Variants in EPM2A observed in about 807,000 individuals in gnomAD.
EPM2A encodes the protein laforin.
EPM2A carries 21 observed loss-of-function variants against 26.5 expected under a neutral mutation model. That is an observed-to-expected ratio of 0.79 (90% CI 0.56 to 1.14). The LOEUF is 1.14. EPM2A is among the 50% of genes most tolerant of loss of function. The probability of loss-of-function intolerance (pLI) is 0.00; values close to 1 mark genes in which losing one functional copy is unlikely to be tolerated. For missense variants in EPM2A, 458 were observed against 440.8 expected, an observed-to-expected ratio of 1.04 and a Z score of -0.35; for synonymous variants, 217 against 177.6, an observed-to-expected ratio of 1.22 and a Z score of -1.76.
intron 4 of EPM2A, among the ~76,000 whole-genome samples, chr6:145,493,178 A>C (rs1217283918): frequency 1.3e-5 from 2 of 152,230 alleles, no homozygotes; most frequent in African/African-American, 4.8e-5. Context: ...GGGTGGCCAC[A>C]GTACCACTAA....
intron 2 of EPM2A, among the ~76,000 whole-genome samples, chr6:145,683,027 G>A (rs979171078): frequency 2.0e-5 from 3 of 152,030 alleles, no homozygotes; most frequent in East Asian, 1.9e-4. Context: ...GATAGAATTC[G>A]ATGTTTTCAA....
At chr6:145,709,400 C>A (rs1338808652) in intron 1 of EPM2A, among the ~76,000 whole-genome samples, 1 of 152,124 alleles carries the variant, frequency 6.6e-6, no homozygotes, top group African/African-American at 2.4e-5. Context: ...GGGCTTCTCT[C>A]ATCCTGTTCT....
rs1776583674 is a variant in EPM2A at position 145,635,417 on chromosome 6, A to G, written c.546T>C (p.His182=). 4 of 1,614,080 alleles carry G rather than the reference A, an allele frequency of 2.5e-6. No individual in the cohort carries two copies. Among genetic ancestry groups the G allele is most frequent in the Admixed American group, 1.7e-5 (1 of 60,022 alleles). Residue 182 remains histidine, a synonymous_variant, in exon 3 of 4, where the codon CAT becomes CAC. Coordinates refer to ENST00000367519, the MANE Select transcript of EPM2A (RefSeq NM_005670.4). ...QVEHVTIKLK[H]ELGITAVMNF... Reference sequence around the variant, plus strand: ...TCATTACAGCTGTAATCCCCAATTCATGCTTCAGTTTGATGGTTACATGTT... The same window carrying G: ...TCATTACAGCTGTAATCCCCAATTCGTGCTTCAGTTTGATGGTTACATGTT...
At chr6:145,600,470 A>G (rs1781403206) in intron 2 of EPM2A, among the ~76,000 whole-genome samples, 1 of 152,116 alleles carries the variant, frequency 6.6e-6, no homozygotes, top group African/African-American at 2.4e-5. Flanking sequence ...ACACTAAGCC[A>G]TTGTTTTCCT....
intron 2 of EPM2A, among the ~76,000 whole-genome samples, chr6:145,653,937 G>T (rs1196573612): frequency 1.3e-5 from 2 of 152,176 alleles, no homozygotes; most frequent in African/African-American, 4.8e-5. Context: ...AACTCTCACA[G>T]ATGCATATTA....
At chr6:145,530,913 T>C (rs1334669844) in intron 2 of EPM2A, among the ~76,000 whole-genome samples, 1 of 152,154 alleles carries the variant, frequency 6.6e-6, no homozygotes, top group African/African-American at 2.4e-5. Context: ...TCCATAACCA[T>C]CAACTTACAA....
intron 4 of EPM2A, among the ~76,000 whole-genome samples, chr6:145,468,297 T>C (rs1464941108): frequency 1.3e-5 from 2 of 152,140 alleles, no homozygotes; most frequent in East Asian, 1.9e-4. Context: ...TGAATAGCAA[T>C]ACTTCAAATC....
At chr6:145,586,333 G>T (rs892087084) in intron 2 of EPM2A, among the ~76,000 whole-genome samples, 9 of 151,652 alleles carry the variant, frequency 5.9e-5, no homozygotes, top group African/African-American at 2.2e-4. Flanking sequence ...CTGTAAAAAA[G>T]AATTTAACGT....
Position 145,671,242 on chromosome 6 carries a change from T to C in EPM2A, c.476+14880A>G, listed in dbSNP as rs147589347. 6.6e-6 allele frequency: 7 copies of C among 1,053,380 alleles called. No homozygotes were observed. In the East Asian group the frequency reaches 3.6e-4, roughly 54 times the overall value. The allele number at this position is 1,053,380 out of a possible 1,614,324, so 65.3% of individuals were successfully genotyped here. On this transcript the variant is annotated intron_variant, in intron 2 of 3. Coordinates refer to ENST00000367519, the MANE Select transcript of EPM2A (RefSeq NM_005670.4). ...TATACAAGAAGTGTATACATACTTA[T>C]TAAAAATCATTTATATACTGGCCAT...
intron 4 of EPM2A, among the ~76,000 whole-genome samples, chr6:145,394,112 C>T (rs1298544438): frequency 2.0e-5 from 3 of 152,170 alleles, no homozygotes; most frequent in Non-Finnish European, 4.4e-5. Context: ...CATGAGCCAT[C>T]ATGCCCGGCC....
chr6:145,483,680 G>A (rs55646460), intron 4 of EPM2A, among the ~76,000 whole-genome samples: 6,485 of 152,246 alleles, frequency 0.043, 209 homozygotes, highest in African/African-American at 0.088. Flanking sequence ...TCAAGAACAA[G>A]CTGTGGTGTT....
At chr6:145,600,960 A>G (rs941233198) in intron 2 of EPM2A, among the ~76,000 whole-genome samples, 2 of 152,178 alleles carry the variant, frequency 1.3e-5, no homozygotes, top group South Asian at 2.1e-4. Flanking sequence ...ACCCTTTCCA[A>G]TGAGATCTGA....
intron 4 of EPM2A, among the ~76,000 whole-genome samples, chr6:145,393,869 G>C (rs1178214744): frequency 6.6e-6 from 1 of 151,406 alleles, no homozygotes; most frequent in Non-Finnish European, 1.5e-5. Flanking sequence ...TGTTGTCCAG[G>C]CTGGAGTGCA....
rs574860761 is a variant in EPM2A, at chr6:145,581,806, C to T, written c.340+53439G>A. ...CAAAAATCAGATGGTCATAGATGTG[C>T]AGGCTTTTTCCTGGGTTCTGTGTTC... is the stretch of plus-strand genomic sequence containing the variant. On this transcript the variant is annotated intron_variant, in intron 2 of 3. Transcript: ENST00000450221. Among the ~76,000 whole-genome samples, 88 of 152,280 alleles carry T rather than the reference C, an allele frequency of 5.8e-4. 3 individuals carry two copies. The South Asian group carries it at 0.017, about 29-fold the overall frequency.
intron 4 of EPM2A, among the ~76,000 whole-genome samples, chr6:145,461,918 T>A (rs533147617): frequency 4.6e-5 from 7 of 152,256 alleles, no homozygotes; most frequent in African/African-American, 1.2e-4. Flanking sequence ...AGCCAGGATA[T>A]GGGCGTGTAA....
intron 4 of EPM2A, among the ~76,000 whole-genome samples, chr6:145,476,765 CACA>C (rs1215421870): frequency 6.6e-6 from 1 of 151,798 alleles, no homozygotes; most frequent in Non-Finnish European, 1.5e-5. Context: ...GTAAGGAAGA[CACA>C]ACATATCAAA....
At chr6:145,422,353 T>C (rs1778800684) in intron 4 of EPM2A, among the ~76,000 whole-genome samples, 1 of 149,240 alleles carries the variant, frequency 6.7e-6, no homozygotes, top group Non-Finnish European at 1.5e-5. Flanking sequence ...TTAGATATAA[T>C]ATGAAAGTCC....
At chr6:145,715,321 T>C (rs775887463) in intron 1 of EPM2A, among the ~76,000 whole-genome samples, 3 of 151,812 alleles carry the variant, frequency 2.0e-5, no homozygotes, top group African/African-American at 7.3e-5. Context: ...TGGGACCATA[T>C]AGACATGCCA....
chr6:145,526,481 A>G (rs1780275288), intron 2 of EPM2A, among the ~76,000 whole-genome samples: 1 of 151,960 alleles, frequency 6.6e-6, no homozygotes, highest in African/African-American at 2.4e-5. Flanking sequence ...GCTTAATATT[A>G]ATCTGTTCAA....
Sources: gnomAD v4.1 joint callset for allele counts (sites outside exome capture counted in the v4.1 genomes callset) on GRCh38, gnomAD v4.1.1 for gene constraint, MANE v1.5 for transcripts, NCBI Gene and HGNC (gene_info 2026-07-23, HGNC 2026-07-21) for gene names.